The following NDUFB5 variants were observed in gnomAD, a reference collection of about 807,000 sequenced individuals.
NDUFB5 encodes NADH:ubiquinone oxidoreductase subunit B5.
NDUFB5 carries 19 observed loss-of-function variants against 19.4 expected under a neutral mutation model. The ratio of observed to expected loss-of-function variants is 0.98; its 90% CI spans 0.68 to 1.43. NDUFB5 has a LOEUF of 1.43. Ranked by LOEUF, NDUFB5 falls within the 40% of genes most tolerant of loss-of-function variation. The probability of loss-of-function intolerance (pLI) is 0.00; values close to 1 mark genes in which losing one functional copy is unlikely to be tolerated. For missense variants in NDUFB5, 233 were observed against 236.5 expected (o/e 0.99, Z 0.10); for synonymous variants, 80 against 82.6 (o/e 0.97, Z 0.17).
At position 179,624,012 on chromosome 3, in the gene NDUFB5, A is replaced by G; in HGVS notation, c.542A>G (p.His181Arg). The change falls in exon 6 of 6, where the codon CAT becomes CGT. Residue 181 changes from histidine to arginine, a missense_variant. Physicochemically the swap from His to Arg is conservative, Grantham distance 29. Transcript: ENST00000259037. ...ACAATTGACAAGGAACTTATTGATC[A>G]TTCTCCGAAAGCAACTCCTGACAAT... ...YETIDKELID[H>R]SPKATPDN The G allele has an allele frequency of 6.2e-7, 1 of 1,613,950 alleles. No individual in the cohort carries two copies. The highest frequency in any genetic ancestry group is 8.5e-7 in the Non-Finnish European group (1 of 1,179,900).
chr3:179,605,572 TCTC>T (rs1576874887), intron 1 of NDUFB5, among the ~76,000 whole-genome samples: 1 of 151,766 alleles, frequency 6.6e-6, no homozygotes, highest in African/African-American at 2.4e-5. Context: ...TTCAAGCGAT[TCTC>T]CTGCCTGAAC....
intron 3 of NDUFB5, among the ~76,000 whole-genome samples, chr3:179,616,600 C>T (rs1215448819): frequency 6.6e-6 from 1 of 151,936 alleles, no homozygotes; most frequent in Non-Finnish European, 1.5e-5. Context: ...TGACAGTAAA[C>T]ATTAGATTTT....
At chr3:179,618,816 A>T (rs1251250966) in intron 5 of NDUFB5, among the ~76,000 whole-genome samples, 2 of 152,058 alleles carry the variant, frequency 1.3e-5, no homozygotes, top group African/African-American at 4.8e-5. Context: ...ATGCCACTGC[A>T]CTGCAGCCTG....
chr3:179,605,714 A>G (rs1019192529), intron 1 of NDUFB5, among the ~76,000 whole-genome samples: 1 of 152,184 alleles, frequency 6.6e-6, no homozygotes, highest in African/African-American at 2.4e-5. Context: ...TGCAGTCATA[A>G]AATATTATTT....
intron 1 of NDUFB5, among the ~76,000 whole-genome samples, chr3:179,608,803 C>T (rs929311934): frequency 2.0e-5 from 3 of 152,128 alleles, no homozygotes; most frequent in Non-Finnish European, 2.9e-5. Context: ...TTCAGACCTC[C>T]AGTCAACTTG....
At chr3:179,617,818 T>G (rs1560026186) in intron 4 of NDUFB5, among the ~76,000 whole-genome samples, 1 of 152,168 alleles carries the variant, frequency 6.6e-6, no homozygotes, top group African/African-American at 2.4e-5. Context: ...GGGTCACTAT[T>G]TCAACCCGGG....
intron 1 of NDUFB5, among the ~76,000 whole-genome samples, chr3:179,605,464 G>C (rs772521332): frequency 7.9e-5 from 12 of 151,978 alleles, no homozygotes; most frequent in Non-Finnish European, 1.8e-4. Flanking sequence ...GTTTTGTTTT[G>C]TTTTGTTTGT....
At chr3:179,607,761 C>T (rs572826925) in intron 1 of NDUFB5, 130 of 702,162 alleles carry the variant, frequency 1.9e-4, no homozygotes, top group Non-Finnish European at 1.7e-4. Flanking sequence ...CACGTAGCCC[C>T]TGGTAACCAC....
At chr3:179,622,007 G>A (rs1016583172) in intron 5 of NDUFB5, among the ~76,000 whole-genome samples, 1 of 151,742 alleles carries the variant, frequency 6.6e-6, no homozygotes, top group African/African-American at 2.4e-5. Flanking sequence ...TCGTTCTGTT[G>A]CCTCAGCTGG....
rs904395178 is a variant in NDUFB5 at position 179,616,144 on chromosome 3, T to G, written c.280+95T>G. 6.8e-6 allele frequency: 6 copies of G among 877,516 alleles called. No homozygotes were observed. The African/African-American group carries it at 1.0e-4, about 15-fold the overall frequency. 54.4% of individuals were successfully genotyped at this position (877,516 alleles called of 1,614,324 possible). On this transcript the variant is annotated intron_variant, in intron 3 of 5. Transcript: ENST00000259037. The stretch of plus-strand genomic sequence containing the variant: ...AAAAAAGAAATTATGGATATTGTAA[T>G]GAAAAGCTCTTTAAATAATTAAGCA...
At chr3:179,623,673 CAAAAAAACA>C in intron 5 of NDUFB5, among the ~76,000 whole-genome samples, 1 of 151,562 alleles carries the variant, frequency 6.6e-6, no homozygotes, top group Non-Finnish European at 1.5e-5. Context: ...GACTCCGTCT[CAAAAAAACA>C]AAAACAACAA....
chr3:179,615,932 G>C (rs1719364351), intron 2 of NDUFB5, 51 bp from the exon 3 acceptor site: 1 of 1,322,738 alleles, frequency 7.6e-7, no homozygotes. Flanking sequence ...TGATTTGTGT[G>C]TGGGGAGAGT....
intron 5 of NDUFB5, among the ~76,000 whole-genome samples, chr3:179,619,667 A>G (rs1181994239): frequency 6.6e-6 from 1 of 152,198 alleles, no homozygotes; most frequent in African/African-American, 2.4e-5. Flanking sequence ...ATATGTGTGC[A>G]TGTGTCTTTA....
intron 5 of NDUFB5, among the ~76,000 whole-genome samples, chr3:179,622,762 G>C (rs1246327027): frequency 6.6e-6 from 1 of 152,216 alleles, no homozygotes; most frequent in East Asian, 1.9e-4. Context: ...CATAGGGTAA[G>C]TGAGCTGGTT....
rs1428122927 is a variant in NDUFB5, at chr3:179,627,004, T to G, written c.*2964T>G. 1.3e-5 allele frequency: 2 copies of G among 152,304 alleles called. No individual in the cohort carries two copies. Among genetic ancestry groups the G allele is most frequent in the East Asian group, 1.9e-4 (1 of 5,190 alleles). 9.4% of individuals were successfully genotyped at this position (152,304 alleles called of 1,614,324 possible). ...GAAAAAAGGTGTAAATGGCTCATAGTTCTGCAGACTGTACAGGAAGCATGG... is the reference window on the plus strand; with the variant it reads ...GAAAAAAGGTGTAAATGGCTCATAGGTCTGCAGACTGTACAGGAAGCATGG... On this transcript the variant is annotated 3_prime_UTR_variant, in exon 6 of 6. Coordinates refer to ENST00000259037, the MANE Select transcript of NDUFB5 (RefSeq NM_002492.4).
chr3:179,621,357 G>A (rs1408543471), intron 5 of NDUFB5, among the ~76,000 whole-genome samples: 1 of 152,074 alleles, frequency 6.6e-6, no homozygotes, highest in African/African-American at 2.4e-5. Context: ...GATTACAGGC[G>A]TGAGCCACTG....
At chr3:179,617,277 A>G in intron 4 of NDUFB5, 1 of 318,984 alleles carries the variant, frequency 3.1e-6, no homozygotes, top group Non-Finnish European at 5.8e-6. Context: ...CGCTGGGATC[A>G]CAGGTGTGTG....
At chr3:179,612,755 C>T (rs1719279745) in intron 1 of NDUFB5, among the ~76,000 whole-genome samples, 2 of 152,042 alleles carry the variant, frequency 1.3e-5, no homozygotes, top group South Asian at 2.1e-4. Context: ...GGATTACAGG[C>T]GTGAGCCGCC....
At position 179,616,064 on chromosome 3, in the gene NDUFB5, T is replaced by A. The variant is rs767761509; in HGVS notation, c.280+15T>A. 7 of 1,607,308 alleles carry A rather than the reference T, an allele frequency of 4.4e-6. No homozygotes were observed. Among genetic ancestry groups the A allele is most frequent in the Non-Finnish European group, 6.0e-6 (7 of 1,176,210 alleles). Reference sequence around the variant, plus strand: ...TGTATTCATTGGTAAGTCACTTCCATCCCCTGCCAGCACCACCAGATTGGA... The same window carrying A: ...TGTATTCATTGGTAAGTCACTTCCAACCCCTGCCAGCACCACCAGATTGGA... On this transcript the variant is annotated intron_variant, in intron 3 of 5. Transcript: ENST00000259037.
Sources: gnomAD v4.1 joint callset for allele counts (sites outside exome capture counted in the v4.1 genomes callset) on GRCh38, gnomAD v4.1.1 for gene constraint, MANE v1.5 for transcripts, NCBI Gene and HGNC (gene_info 2026-07-23, HGNC 2026-07-21) for gene names.